ADD1: variants seen among roughly 807,000 people sequenced by gnomAD.
ADD1 encodes the protein adducin 1.
A neutral mutation model predicts 80.5 loss-of-function variants in ADD1; 24 were observed. The observed-to-expected ratio is 0.30, with a 90% CI of 0.22 to 0.42. The LOEUF (loss-of-function observed/expected upper bound fraction) is 0.42, where lower values mean the gene tolerates loss of function less well. Among genes scored for constraint, ADD1 ranks in the 10% least tolerant of loss-of-function variants. ADD1 has a pLI of 1.00. For synonymous variants in ADD1, 373 were observed against 393.8 expected (o/e 0.95, Z 0.63); for missense variants, 948 against 1,019.0 (o/e 0.93, Z 0.95).
At chr4:2,885,767 G>A (rs561497327) in intron 4 of ADD1, among the ~76,000 whole-genome samples, 15 of 151,610 alleles carry the variant, frequency 9.9e-5, no homozygotes, top group Non-Finnish European at 1.6e-4. Flanking sequence ...CCGCCACCAC[G>A]CCTGGCTAAT....
In ADD1 at chr4:2,903,738, G is replaced by A. The variant is rs1220505190; in HGVS notation, c.1162-1026G>A. On this transcript the variant is annotated intron_variant, in intron 9 of 15. Transcript: ENST00000683351. ...GGTGGGAGGGGATTACAGGAGCTGG[G>A]GGCCTGGGGCCACTGTGAAGTCTGT... Among the ~76,000 whole-genome samples the A allele has an allele frequency of 3.3e-5, 5 of 152,178 alleles. No individual in the cohort carries two copies. In the East Asian group the frequency reaches 9.6e-4, roughly 29 times the overall value.
At position 2,884,548 on chromosome 4, in the gene ADD1, G is replaced by C; in HGVS notation, c.392G>C (p.Arg131Thr). Reference protein sequence around the residue: ...LGMVTPVNDLRGSDSIAYDKG... With the variant: ...LGMVTPVNDLTGSDSIAYDKG... ...ATGGTGACTCCTGTGAACGATCTTA[G>C]AGGATCTGATTCTATTGCGTATGAC... is the stretch of plus-strand genomic sequence containing the variant. Residue 131 changes from arginine to threonine, a missense_variant, in exon 4 of 16, where the codon AGA becomes ACA. Coordinates refer to ENST00000683351, the MANE Select transcript of ADD1 (RefSeq NM_001354761.2). 1 of 1,612,292 alleles carries C rather than the reference G, an allele frequency of 6.2e-7. No individual in the cohort carries two copies. The highest frequency in any genetic ancestry group is 1.1e-5 in the South Asian group (1 of 90,852).
chr4:2,853,233 C>G (rs1452157642), intron 1 of ADD1: 1 of 151,486 alleles, frequency 6.6e-6, no homozygotes, highest in African/African-American at 2.4e-5. Flanking sequence ...CTCAGCCTCC[C>G]CAGTACCTGG....
intron 9 of ADD1, among the ~76,000 whole-genome samples, chr4:2,904,353 G>A (rs892658915): frequency 2.0e-5 from 3 of 152,150 alleles, no homozygotes; most frequent in African/African-American, 7.2e-5. Flanking sequence ...AGGTTGTTTT[G>A]CATCTTCTGC....
intron 1 of ADD1, among the ~76,000 whole-genome samples, chr4:2,852,230 C>CCTTTCTTTCCTTTCTTTCTTTCTTT (rs1310935816): frequency 8.3e-6 from 1 of 120,356 alleles, no homozygotes. Context: ...TCCTTTCTTT[C>CCTTTCTTTCCTTTCTTTCTTTCTTT]CTTTCTTTCT....
intron 3 of ADD1, among the ~76,000 whole-genome samples, 171 bp downstream of exon 3, chr4:2,882,231 AATC>A (rs1443885490): frequency 2.0e-5 from 3 of 152,234 alleles, no homozygotes; most frequent in Non-Finnish European, 4.4e-5. Context: ...GGAATTCTGA[AATC>A]ATCTTGAATG....
At position 2,926,734 on chromosome 4, in the gene ADD1, G is replaced by C; in HGVS notation, c.2047+622G>C. ...GCCCTGCGCTTTGCCTCATTCTCCT[G>C]CTTCTTTGTTGTTTATTAAGTTTTG... On this transcript the variant is annotated intron_variant, in intron 15 of 15. Transcript: ENST00000683351. This position sits in a 1 kb window ranked among gnomAD's most constrained non-coding sequence, Gnocchi z 5.0. 6.5e-7 allele frequency: 1 copy of C among 1,544,246 alleles called. No individual in the cohort carries two copies. Among genetic ancestry groups the C allele is most frequent in the Non-Finnish European group, 8.9e-7 (1 of 1,125,232 alleles).
At chr4:2,909,454 T>G (rs1474555935) in intron 13 of ADD1, 23 bp downstream of exon 13, 2 of 1,523,022 alleles carry the variant, frequency 1.3e-6, no homozygotes, top group Non-Finnish European at 1.8e-6. Context: ...CTGTCCTCAC[T>G]ACCTGTCTAT....
chr4:2,898,929 C>A, intron 8 of ADD1: 1 of 379,480 alleles, frequency 2.6e-6, no homozygotes, highest in South Asian at 2.9e-5. Flanking sequence ...TGTGAGTTCC[C>A]CTCCGCTCCG....
At chr4:2,894,453 G>A (rs1734814206) in intron 5 of ADD1, 129 bp from the exon 6 acceptor site, 1 of 796,788 alleles carries the variant, frequency 1.3e-6, no homozygotes, top group Admixed American at 3.1e-5. Flanking sequence ...CCTGGGAGGT[G>A]GAGGCCGAGG....
At position 2,881,916 on chromosome 4, in the gene ADD1, G is replaced by A; in HGVS notation, c.214G>A (p.Glu72Lys). The change falls in exon 3 of 16, where the codon GAA becomes AAA. Residue 72 changes from glutamate (E) to lysine (K), a missense_variant. Physicochemically the swap from Glu to Lys is moderately conservative, Grantham distance 56 (BLOSUM62 1). Coordinates refer to ENST00000683351, the MANE Select transcript of ADD1 (RefSeq NM_001354761.2). Reference sequence around the variant, plus strand: ...TTATTAGGCTTTCTGTGAAGAATTGGAATCAATGATACAGGAGCAATTTAA... The same window carrying A: ...TTATTAGGCTTTCTGTGAAGAATTGAAATCAATGATACAGGAGCAATTTAA... ...LQSPAFCEELESMIQEQFKKG... is the reference protein window; with the variant it reads ...LQSPAFCEELKSMIQEQFKKG... The A allele has an allele frequency of 1.3e-6, 2 of 1,596,076 alleles. No homozygotes were observed. Among genetic ancestry groups the A allele is most frequent in the Non-Finnish European group, 1.7e-6 (2 of 1,174,982 alleles).
chr4:2,873,122 A>G (rs1172421438), intron 1 of ADD1, among the ~76,000 whole-genome samples: 1 of 152,078 alleles, frequency 6.6e-6, no homozygotes, highest in Admixed American at 6.5e-5. Context: ...CCTCCTGAGT[A>G]GCTGAGATTA....
At position 2,907,788 on chromosome 4, in the gene ADD1, A is replaced by G; in HGVS notation, c.1552A>G (p.Asn518Asp). ...TAGAACTTCCACCTCTGCTGTCCCTAACCTGTTTGTTCCATTGAACACTAA... is the reference window on the plus strand; with the variant it reads ...TAGAACTTCCACCTCTGCTGTCCCTGACCTGTTTGTTCCATTGAACACTAA... ...GHRTSTSAVP[N>D]LFVPLNTNPK... is the part of the protein sequence containing the mutation. Residue 518 changes from asparagine (N) to aspartate (D), a missense_variant, in exon 11 of 16, where the codon AAC (asparagine) becomes GAC (aspartate). Asn to Asp is a conservative substitution (Grantham distance 23). Coordinates refer to ENST00000683351, the MANE Select transcript of ADD1 (RefSeq NM_001354761.2). 1.2e-6 allele frequency: 2 copies of G among 1,614,108 alleles called. No homozygotes were observed. The highest frequency in any genetic ancestry group is 4.5e-5 in the East Asian group (2 of 44,890).
intron 14 of ADD1, among the ~76,000 whole-genome samples, chr4:2,923,661 G>C (rs1471045958): frequency 2.0e-5 from 3 of 152,244 alleles, no homozygotes; most frequent in Non-Finnish European, 4.4e-5. Context: ...ACCGGGGAGA[G>C]ACCTCCTTTA....
chr4:2,897,190 T>C (rs1735387037), intron 6 of ADD1, among the ~76,000 whole-genome samples: 1 of 152,152 alleles, frequency 6.6e-6, no homozygotes, highest in Non-Finnish European at 1.5e-5. Flanking sequence ...TTGATAAAGA[T>C]AGTTTTTGAA....
intron 1 of ADD1, among the ~76,000 whole-genome samples, chr4:2,870,141 G>C (rs776854245): frequency 6.6e-6 from 1 of 152,156 alleles, no homozygotes; most frequent in Non-Finnish European, 1.5e-5. Context: ...TGCCAGAAGG[G>C]AGATGCCAAT....
chr4:2,926,019 C>G lies in ADD1; in HGVS notation c.1954C>G (p.Leu652Val). The G allele has an allele frequency of 1.9e-6, 3 of 1,613,992 alleles. No individual in the cohort carries two copies. The highest frequency in any genetic ancestry group is 1.7e-6 in the Non-Finnish European group (2 of 1,179,914). ...TCCTTCTTGCTTCTCTGCAGAGAAT[C>G]TGGACGAGGCTAGAGAACAGAAAGA... ...ERKQKGSEEN[L>V]DEAREQKEKS... Residue 652 changes from leucine to valine, a missense_variant, in exon 15 of 16, where the codon CTG (leucine) becomes GTG (valine). Leu to Val is a conservative substitution (Grantham distance 32). Transcript: ENST00000683351. The surrounding 1 kb of genome is among the most constrained non-coding windows in gnomAD (Gnocchi z 5.0).
At chr4:2,897,207 A>G (rs16843539) in intron 6 of ADD1, among the ~76,000 whole-genome samples, 3,060 of 152,118 alleles carry the variant, frequency 0.02, 65 homozygotes, top group African/African-American at 0.047. Context: ...TGAATCTTTG[A>G]AGCCTGTTAC....
At chr4:2,908,296 T>C (rs1381666682) in intron 11 of ADD1, among the ~76,000 whole-genome samples, 1 of 152,188 alleles carries the variant, frequency 6.6e-6, no homozygotes, top group Non-Finnish European at 1.5e-5. Flanking sequence ...CTGGAAGATG[T>C]GGGGAGCTGG....
Sources: allele counts gnomAD v4.1 joint callset (sites outside exome capture counted in the v4.1 genomes callset), GRCh38; gene constraint gnomAD v4.1.1; non-coding constraint Gnocchi (gnomAD v3.1); transcripts MANE v1.5; gene names NCBI Gene and HGNC (gene_info 2026-07-23, HGNC 2026-07-21).